EPHA6: variants seen among roughly 807,000 people sequenced by gnomAD.
The protein encoded by EPHA6 is EPH receptor A6.
Under a neutral mutation model 112.0 loss-of-function variants are expected in EPHA6, and 50 were observed. The observed-to-expected ratio is 0.45, with a 90% CI of 0.36 to 0.56. The LOEUF (loss-of-function observed/expected upper bound fraction) is 0.56, where lower values mean the gene tolerates loss of function less well. EPHA6 is among the 20% of genes least tolerant of loss of function. The probability of loss-of-function intolerance (pLI) is 0.00; values close to 1 mark genes in which losing one functional copy is unlikely to be tolerated. For missense variants in EPHA6, 1,280 were observed against 1,417.4 expected (o/e 0.90, Z 1.56); for synonymous variants, 529 against 490.7 (o/e 1.08, Z -1.03).
intron 3 of EPHA6, among the ~76,000 whole-genome samples, chr3:97,031,278 C>G (rs1160549023): frequency 6.6e-6 from 1 of 151,934 alleles, no homozygotes; most frequent in Admixed American, 6.6e-5. Flanking sequence ...TTCCTTACAC[C>G]GTATACAAAA....
intron 13 of EPHA6, among the ~76,000 whole-genome samples, chr3:97,632,718 G>T: frequency 6.6e-6 from 1 of 151,938 alleles, no homozygotes; most frequent in Non-Finnish European, 1.5e-5. Context: ...ATGTTCTAGG[G>T]GTGAATTGAG....
chr3:97,412,666 A>T lies in EPHA6; in HGVS notation c.1731+7392A>T, dbSNP rs2087808361. On this transcript the variant is annotated intron_variant, in intron 6 of 17. Coordinates refer to ENST00000389672, the MANE Select transcript of EPHA6 (RefSeq NM_001080448.3). ...ATATATAAATTAAAAATGACAGAGA[A>T]GTACATAAAAAGATAAGGATGAAAC... Among the ~76,000 whole-genome samples the T allele has an allele frequency of 1.3e-5, 2 of 152,110 alleles. 1 individual carries two copies.
At chr3:96,881,499 T>G (rs1016160421) in intron 2 of EPHA6, among the ~76,000 whole-genome samples, 2 of 152,186 alleles carry the variant, frequency 1.3e-5, no homozygotes, top group African/African-American at 4.8e-5. Flanking sequence ...GATTCAGTTA[T>G]CTCCCACAAG....
At chr3:97,259,084 C>T (rs9858541) in intron 5 of EPHA6, among the ~76,000 whole-genome samples, 32,508 of 151,946 alleles carry the variant, frequency 0.21, 8,610 homozygotes, top group African/African-American at 0.61. Context: ...TGCAGTTGTT[C>T]TTAGAAAGTA....
chr3:97,752,470 G>A lies in EPHA6; in HGVS notation c.*3769G>A, dbSNP rs2035925628. ...AATTTTCTAAAACTTTCTCAGCCCT[G>A]TTTTTAATTCCCCCATCCTCTCTCT... On this transcript the variant is annotated 3_prime_UTR_variant, in exon 18 of 18. Transcript: ENST00000389672. 4.5e-6 allele frequency: 1 copy of A among 221,140 alleles called. No homozygotes were observed. The highest frequency in any genetic ancestry group is 5.8e-5 in the Admixed American group (1 of 17,332). The allele number at this position is 221,140 out of a possible 1,614,324, so 13.7% of individuals were successfully genotyped here. A position where few individuals can be genotyped will look rare whatever the true frequency, so the allele number is the denominator to read the frequency against.
intron 7 of EPHA6, among the ~76,000 whole-genome samples, chr3:97,463,610 G>T (rs1174816398): frequency 6.6e-6 from 1 of 152,110 alleles, no homozygotes; most frequent in African/African-American, 2.4e-5. Flanking sequence ...TGAGGAAAAT[G>T]GCCTCAAGCA....
At chr3:97,048,681 A>T (rs1421334834) in intron 3 of EPHA6, among the ~76,000 whole-genome samples, 1 of 152,228 alleles carries the variant, frequency 6.6e-6, no homozygotes, top group East Asian at 1.9e-4. Flanking sequence ...TGGAAAAATT[A>T]TTAATTTAAC....
At chr3:97,656,144 A>G (rs2094136787) in intron 14 of EPHA6, among the ~76,000 whole-genome samples, 1 of 151,940 alleles carries the variant, frequency 6.6e-6, no homozygotes, top group South Asian at 2.1e-4. Flanking sequence ...GCAGAGTTCC[A>G]AGGTAGCCTT....
At chr3:97,729,868 C>T (rs2034957522) in intron 15 of EPHA6, among the ~76,000 whole-genome samples, 1 of 152,016 alleles carries the variant, frequency 6.6e-6, no homozygotes, top group Admixed American at 6.6e-5. Flanking sequence ...CTCTGCTTTG[C>T]AATCCCCCTT....
At position 97,543,413 on chromosome 3, in the gene EPHA6, A is replaced by G. The variant is rs200687405; in HGVS notation, c.2386+10870A>G. 2.1e-3 allele frequency among the ~76,000 whole-genome samples: 315 copies of G among 152,158 alleles called. 4 individuals are homozygous for G. The highest frequency in any genetic ancestry group is 7.4e-3 in the African/African-American group (306 of 41,514). ...AAAGATCAGATAGCTGTAGATATGC[A>G]GCATTATTTCTGAGGGCTCTGTTCT... On this transcript the variant is annotated intron_variant, in intron 11 of 17. Coordinates refer to ENST00000389672, the MANE Select transcript of EPHA6 (RefSeq NM_001080448.3).
chr3:97,313,857 G>C (rs1241345451), intron 5 of EPHA6, among the ~76,000 whole-genome samples: 1 of 151,320 alleles, frequency 6.6e-6, no homozygotes, highest in Non-Finnish European at 1.5e-5. Flanking sequence ...TATTTCCTTT[G>C]CTGTGCAGAA....
intron 5 of EPHA6, among the ~76,000 whole-genome samples, chr3:97,377,696 A>G (rs2085452645): frequency 6.6e-6 from 1 of 152,286 alleles, no homozygotes; most frequent in South Asian, 2.1e-4. Context: ...TGGGAACTGG[A>G]GCAAAGGTGA....
chr3:97,301,302 T>C (rs979103741), intron 5 of EPHA6, among the ~76,000 whole-genome samples: 3 of 152,168 alleles, frequency 2.0e-5, no homozygotes, highest in African/African-American at 7.2e-5. Flanking sequence ...TAGAATTTAC[T>C]GAAGGATCAC....
intron 1 of EPHA6, among the ~76,000 whole-genome samples, chr3:96,837,385 T>C (rs1214355460): frequency 6.6e-6 from 1 of 152,104 alleles, no homozygotes; most frequent in African/African-American, 2.4e-5. Context: ...ATAATGTTTG[T>C]TCAGAGTATT....
At chr3:97,263,950 G>A (rs1350314019) in intron 5 of EPHA6, among the ~76,000 whole-genome samples, 1 of 152,144 alleles carries the variant, frequency 6.6e-6, no homozygotes, top group Admixed American at 6.5e-5. Context: ...TTTCATATAA[G>A]TATAATGAAG....
At chr3:97,469,459 TTTTA>T (rs1011570098) in intron 7 of EPHA6, among the ~76,000 whole-genome samples, 28 of 151,758 alleles carry the variant, frequency 1.8e-4, no homozygotes, top group Admixed American at 5.3e-4. Context: ...AGAGAATCTT[TTTTA>T]TTTGTTTTTG....
chr3:97,036,681 A>C (rs1471412804), intron 3 of EPHA6, among the ~76,000 whole-genome samples: 1 of 152,018 alleles, frequency 6.6e-6, no homozygotes, highest in African/African-American at 2.4e-5. Context: ...CCTTTGCTGG[A>C]GTTTTCCCTT....
chr3:96,873,698 G>A (rs957987831), intron 2 of EPHA6, among the ~76,000 whole-genome samples: 4 of 152,076 alleles, frequency 2.6e-5, no homozygotes, highest in Non-Finnish European at 5.9e-5. Context: ...AATCGGTAAA[G>A]GAAGATTTCA....
intron 3 of EPHA6, among the ~76,000 whole-genome samples, chr3:97,149,879 A>G (rs923102317): frequency 6.7e-6 from 1 of 149,768 alleles, no homozygotes; most frequent in African/African-American, 2.4e-5. Context: ...TGCATTATAT[A>G]TAATATATAT....
Sources: allele counts gnomAD v4.1 joint callset (sites outside exome capture counted in the v4.1 genomes callset), GRCh38; gene constraint gnomAD v4.1.1; transcripts MANE v1.5; gene names NCBI Gene and HGNC (gene_info 2026-07-23, HGNC 2026-07-21).